The following AGMO variants were observed in gnomAD, a reference collection of about 807,000 sequenced individuals.
AGMO encodes glyceryl-ether monooxygenase.
Under a neutral mutation model 60.2 loss-of-function variants are expected in AGMO, and 75 were observed. The ratio of observed to expected loss-of-function variants is 1.25; its 90% CI spans 1.03 to 1.51. The LOEUF (loss-of-function observed/expected upper bound fraction) is 1.51. AGMO is among the 40% of genes most tolerant of loss of function. The pLI is 0.00. For synonymous variants in AGMO, 261 were observed against 177.1 expected, an observed-to-expected ratio of 1.47 and a Z score of -3.76; for missense variants, 763 against 525.5, an observed-to-expected ratio of 1.45 and a Z score of -4.42.
intron 12 of AGMO, among the ~76,000 whole-genome samples, chr7:15,221,840 A>G (rs1000924256): frequency 2.6e-5 from 4 of 152,206 alleles, no homozygotes; most frequent in Non-Finnish European, 4.4e-5. Context: ...TCCGTGAACT[A>G]GAAGATAATT....
chr7:15,368,657 T>C (rs1034883440), intron 10 of AGMO, among the ~76,000 whole-genome samples: 1 of 152,068 alleles, frequency 6.6e-6, no homozygotes, highest in Non-Finnish European at 1.5e-5. Flanking sequence ...TCATGGTTAG[T>C]ATTATTGTTA....
At chr7:15,393,153 T>C (rs1450804069) in intron 6 of AGMO, among the ~76,000 whole-genome samples, 3 of 152,172 alleles carry the variant, frequency 2.0e-5, no homozygotes, top group African/African-American at 7.2e-5. Flanking sequence ...ACTGTTGAGT[T>C]TGGAAGAGGA....
chr7:15,335,487 C>A (rs1781629124), intron 12 of AGMO, among the ~76,000 whole-genome samples: 1 of 152,066 alleles, frequency 6.6e-6, no homozygotes, highest in African/African-American at 2.4e-5. Context: ...TATTTGGCTT[C>A]AGTGATTTTA....
intron 12 of AGMO, among the ~76,000 whole-genome samples, chr7:15,308,929 T>A (rs530775343): frequency 6.6e-6 from 1 of 152,260 alleles, no homozygotes; most frequent in East Asian, 1.9e-4. Context: ...AGTCCAGACT[T>A]GTGGTTGGTC....
intron 3 of AGMO, among the ~76,000 whole-genome samples, chr7:15,517,042 G>A (rs564461792): frequency 6.6e-6 from 1 of 151,710 alleles, no homozygotes; most frequent in Non-Finnish European, 1.5e-5. Context: ...ACACCACTGA[G>A]AAAGATCAAC....
chr7:15,199,913 A>G (rs1781229517), downstream of AGMO, among the ~76,000 whole-genome samples: 2 of 152,192 alleles, frequency 1.3e-5, no homozygotes, highest in South Asian at 4.1e-4. Flanking sequence ...TGAAAACTAA[A>G]TATGCTTCAA....
At chr7:15,417,476 T>C (rs1780804947) in intron 5 of AGMO, among the ~76,000 whole-genome samples, 2 of 152,098 alleles carry the variant, frequency 1.3e-5, no homozygotes, top group African/African-American at 2.4e-5. Context: ...AATTCTCCCT[T>C]AACCCCTCCA....
intron 12 of AGMO, among the ~76,000 whole-genome samples, chr7:15,336,170 G>A (rs1046061455): frequency 2.6e-5 from 4 of 151,876 alleles, no homozygotes; most frequent in Non-Finnish European, 5.9e-5. Context: ...AATTTCTACA[G>A]GTCATCTCTT....
At chr7:15,467,083 T>C (rs1782313604) in intron 3 of AGMO, among the ~76,000 whole-genome samples, 1 of 152,188 alleles carries the variant, frequency 6.6e-6, no homozygotes, top group Non-Finnish European at 1.5e-5. Flanking sequence ...ATAATACTGC[T>C]GAATTTAAAA....
At chr7:15,451,909 G>A (rs957356878) in intron 3 of AGMO, among the ~76,000 whole-genome samples, 14 of 152,118 alleles carry the variant, frequency 9.2e-5, no homozygotes, top group Non-Finnish European at 1.3e-4. Flanking sequence ...ATTGGAACAC[G>A]GTTTGAACAC....
intron 3 of AGMO, among the ~76,000 whole-genome samples, chr7:15,476,714 G>A (rs1247086557): frequency 1.3e-5 from 2 of 151,864 alleles, no homozygotes; most frequent in South Asian, 4.2e-4. Flanking sequence ...AGATTATGTC[G>A]GCTGGACTTT....
At chr7:15,340,518 C>T (rs888509216) in intron 12 of AGMO, among the ~76,000 whole-genome samples, 3 of 152,148 alleles carry the variant, frequency 2.0e-5, no homozygotes, top group Non-Finnish European at 4.4e-5. Flanking sequence ...ATCCAGTACC[C>T]TCCTGCTGTG....
Position 15,219,587 on chromosome 7 carries a change from C to A in AGMO, c.1264-18228G>T, listed in dbSNP as rs1202372251. On this transcript the variant is annotated intron_variant, in intron 12 of 12. Transcript: ENST00000342526. ...AAAGAAGGATAAGGCTTGTGTAAGACAAGATAGGTGATTGAAGCGTTCTCA... is the reference window on the plus strand; with the variant it reads ...AAAGAAGGATAAGGCTTGTGTAAGAAAAGATAGGTGATTGAAGCGTTCTCA... Among the ~76,000 whole-genome samples the A allele has an allele frequency of 4.6e-5, 7 of 152,038 alleles. No individual in the cohort carries two copies. The East Asian group carries it at 1.2e-3, about 25-fold the overall frequency.
At chr7:15,250,632 A>G (rs1416892148) in intron 12 of AGMO, among the ~76,000 whole-genome samples, 6 of 152,100 alleles carry the variant, frequency 3.9e-5, no homozygotes, top group Admixed American at 3.9e-4. Flanking sequence ...TATGAAACTG[A>G]AGAAATCTGG....
At chr7:15,490,360 A>G (rs1783038569) in intron 3 of AGMO, among the ~76,000 whole-genome samples, 1 of 152,214 alleles carries the variant, frequency 6.6e-6, no homozygotes, top group African/African-American at 2.4e-5. Flanking sequence ...ATAAAAATCT[A>G]AAGAAATCCT....
chr7:15,158,413 A>G, the AGMO span, among the ~76,000 whole-genome samples: 1 of 152,186 alleles, frequency 6.6e-6, no homozygotes, highest in African/African-American at 2.4e-5. Context: ...AACTGCAGGG[A>G]AACACTTTTT....
intron 2 of AGMO, among the ~76,000 whole-genome samples, chr7:15,553,805 C>A (rs929440204): frequency 1.3e-5 from 2 of 151,980 alleles, no homozygotes; most frequent in African/African-American, 2.4e-5. Context: ...TGAGCAGACA[C>A]CCAATTTATT....
chr7:15,131,842 G>A, the AGMO span, among the ~76,000 whole-genome samples: 2 of 151,506 alleles, frequency 1.3e-5, no homozygotes, highest in Admixed American at 6.6e-5. Context: ...GGAGACAGCT[G>A]GGTAGAGCAA....
At chr7:15,151,375 G>T in the AGMO span, among the ~76,000 whole-genome samples, 3 of 151,886 alleles carry the variant, frequency 2.0e-5, no homozygotes, top group Non-Finnish European at 2.9e-5. Context: ...TTTGGGGTTG[G>T]TTTGCTCTTG....
Sources: gnomAD v4.1 joint callset for allele counts (sites outside exome capture counted in the v4.1 genomes callset) on GRCh38, gnomAD v4.1.1 for gene constraint, MANE v1.5 for transcripts, NCBI Gene and HGNC (gene_info 2026-07-23, HGNC 2026-07-21) for gene names.